The following SGCZ variants were observed in gnomAD, a reference collection of about 807,000 sequenced individuals.
SGCZ encodes the protein sarcoglycan zeta.
SGCZ carries 40 observed loss-of-function variants against 41.3 expected under a neutral mutation model. That is an observed-to-expected ratio of 0.97 (90% confidence interval 0.75 to 1.26). The LOEUF is 1.26. Ranked by LOEUF, SGCZ falls within the 50% of genes most tolerant of loss-of-function variation. The probability of loss-of-function intolerance (pLI) is 0.00; values close to 1 mark genes in which losing one functional copy is unlikely to be tolerated. For missense variants in SGCZ, 552 were observed against 369.8 expected (o/e 1.49, Z -4.04); for synonymous variants, 206 against 137.5 (o/e 1.50, Z -3.49).
chr8:14,230,253 C>G (rs1232913146), intron 4 of SGCZ, among the ~76,000 whole-genome samples: 1 of 152,070 alleles, frequency 6.6e-6, no homozygotes, highest in Non-Finnish European at 1.5e-5. Flanking sequence ...AAAACAGACT[C>G]ATTTCATACA....
At chr8:14,549,873 G>C (rs181010838) in intron 2 of SGCZ, among the ~76,000 whole-genome samples, 1 of 152,034 alleles carries the variant, frequency 6.6e-6, no homozygotes. Flanking sequence ...TAGCTTAGGA[G>C]GTAACAAGTT....
intron 1 of SGCZ, among the ~76,000 whole-genome samples, chr8:14,877,402 T>A (rs1483381026): frequency 6.6e-6 from 1 of 152,214 alleles, no homozygotes; most frequent in African/African-American, 2.4e-5. Flanking sequence ...AAATGTATTA[T>A]CAAATCTGCT....
chr8:14,766,353 G>T (rs568858492), intron 1 of SGCZ, among the ~76,000 whole-genome samples: 1 of 152,130 alleles, frequency 6.6e-6, no homozygotes, highest in Non-Finnish European at 1.5e-5. Flanking sequence ...TAGCCAGATT[G>T]TATATAATTC....
At chr8:14,127,774 CTTTTA>C (rs1344773708) in intron 5 of SGCZ, among the ~76,000 whole-genome samples, 1 of 151,914 alleles carries the variant, frequency 6.6e-6, no homozygotes, top group African/African-American at 2.4e-5. Context: ...AATTTTTTAA[CTTTTA>C]TTTTATAATT....
intron 1 of SGCZ, among the ~76,000 whole-genome samples, chr8:15,154,066 T>C (rs978019116): frequency 6.6e-6 from 1 of 151,792 alleles, no homozygotes; most frequent in Non-Finnish European, 1.5e-5. Flanking sequence ...TGACAGGAGA[T>C]GAAGCTCAGG....
intron 1 of SGCZ, among the ~76,000 whole-genome samples, chr8:14,775,919 G>A (rs1331054360): frequency 6.6e-6 from 1 of 152,150 alleles, no homozygotes; most frequent in East Asian, 1.9e-4. Context: ...CCTGTGACTG[G>A]GAGGTGGAAG....
chr8:14,177,235 T>A (rs150401140), intron 4 of SGCZ, among the ~76,000 whole-genome samples: 1 of 152,130 alleles, frequency 6.6e-6, no homozygotes, highest in African/African-American at 2.4e-5. Context: ...AAAGCTACGA[T>A]ATTAACCATA....
chr8:14,962,943 G>C (rs1018524290), intron 1 of SGCZ, among the ~76,000 whole-genome samples: 1 of 152,118 alleles, frequency 6.6e-6, no homozygotes, highest in Non-Finnish European at 1.5e-5. Context: ...GATTAGCCCT[G>C]TTCTAGTAAA....
chr8:14,342,313 A>C (rs985989312), intron 2 of SGCZ, among the ~76,000 whole-genome samples: 6 of 151,946 alleles, frequency 3.9e-5, no homozygotes, highest in African/African-American at 1.4e-4. Flanking sequence ...CTGGCAGAAG[A>C]AATTTCTTTT....
At chr8:14,639,645 A>T in intron 1 of SGCZ, among the ~76,000 whole-genome samples, 1 of 151,518 alleles carries the variant, frequency 6.6e-6, no homozygotes, top group Admixed American at 6.6e-5. Flanking sequence ...AAAATTACTT[A>T]TTATCCAAAA....
At chr8:14,370,614 A>G (rs1386535912) in intron 2 of SGCZ, among the ~76,000 whole-genome samples, 1 of 151,902 alleles carries the variant, frequency 6.6e-6, no homozygotes, top group Non-Finnish European at 1.5e-5. Context: ...ATATTCATAT[A>G]TTTATATTGA....
chr8:14,380,169 C>T (rs1053308872), intron 2 of SGCZ, among the ~76,000 whole-genome samples: 4 of 152,126 alleles, frequency 2.6e-5, no homozygotes, highest in Non-Finnish European at 5.9e-5. Context: ...TATATGCAAG[C>T]TTTATATAGT....
rs538821453 is a variant in SGCZ, at chr8:14,931,793, C to A, written c.39+305792G>T. 2.6e-5 allele frequency among the ~76,000 whole-genome samples: 4 copies of A among 152,088 alleles called. No homozygotes were observed. In the South Asian group the frequency reaches 8.3e-4, roughly 32 times the overall value. On this transcript the variant is annotated intron_variant, in intron 1 of 7. Transcript: ENST00000382080. Reference sequence around the variant, plus strand: ...GGTTGAACATTTAATGGAAATTCGTCAGTCAGCCACTCCCAACATTCTTAT... The same window carrying A: ...GGTTGAACATTTAATGGAAATTCGTAAGTCAGCCACTCCCAACATTCTTAT...
intron 7 of SGCZ, among the ~76,000 whole-genome samples, chr8:14,091,080 T>A (rs1801675708): frequency 6.6e-6 from 1 of 152,022 alleles, no homozygotes; most frequent in African/African-American, 2.4e-5. Context: ...AGTGAGAACA[T>A]GCAGTGTTTG....
chr8:14,955,198 C>T (rs1379795737), intron 1 of SGCZ, among the ~76,000 whole-genome samples: 1 of 152,110 alleles, frequency 6.6e-6, no homozygotes, highest in Non-Finnish European at 1.5e-5. Flanking sequence ...AACTTCAAAA[C>T]TTCCTATTTT....
At chr8:14,641,691 G>A (rs779301384) in intron 1 of SGCZ, among the ~76,000 whole-genome samples, 1 of 151,554 alleles carries the variant, frequency 6.6e-6, no homozygotes, top group Non-Finnish European at 1.5e-5. Flanking sequence ...TTCCCTGAAG[G>A]ACATAGAGTT....
intron 2 of SGCZ, among the ~76,000 whole-genome samples, chr8:14,488,647 C>T (rs1801751400): frequency 6.6e-6 from 1 of 152,062 alleles, no homozygotes; most frequent in Admixed American, 6.6e-5. Flanking sequence ...AGGAACCTAA[C>T]TTTCCTAAAC....
intron 1 of SGCZ, among the ~76,000 whole-genome samples, chr8:14,577,437 G>A (rs1804745912): frequency 1.4e-5 from 2 of 139,538 alleles, no homozygotes; most frequent in South Asian, 4.5e-4. Context: ...CAGCCAGGCT[G>A]GAGTATAGTG....
rs141350937 is a variant in SGCZ, at chr8:14,127,703, G to A, written c.548-19468C>T. ...GATCTCCTGATCTTGTGCTCCACACGCCTCAGCCTCCCAAAGTGCTGGGAT... is the reference window on the plus strand; with the variant it reads ...GATCTCCTGATCTTGTGCTCCACACACCTCAGCCTCCCAAAGTGCTGGGAT... On this transcript the variant is annotated intron_variant, in intron 5 of 7. Transcript: ENST00000382080. Among the ~76,000 whole-genome samples the A allele has an allele frequency of 3.2e-3, 488 of 152,210 alleles. 4 individuals are homozygous for A. The highest frequency in any genetic ancestry group is 5.3e-3 in the Non-Finnish European group (359 of 68,000).
Sources: gnomAD v4.1 joint callset for allele counts (sites outside exome capture counted in the v4.1 genomes callset) on GRCh38, gnomAD v4.1.1 for gene constraint, MANE v1.5 for transcripts, NCBI Gene and HGNC (gene_info 2026-07-23, HGNC 2026-07-21) for gene names.